Variants in CPVL observed in about 807,000 individuals in gnomAD.
The protein encoded by CPVL is carboxypeptidase vitellogenic like, also known as probable serine carboxypeptidase CPVL.
Under a neutral mutation model 63.7 loss-of-function variants are expected in CPVL, and 51 were observed. The observed-to-expected ratio is 0.80, with a 90% CI of 0.64 to 1.01. CPVL has a LOEUF of 1.01. Among genes scored for constraint, CPVL ranks in the 50% least tolerant of loss-of-function variants. The pLI is 0.00. For synonymous variants in CPVL, 195 were observed against 206.0 expected (o/e 0.95, Z 0.46); for missense variants, 530 against 573.1 (o/e 0.92, Z 0.77).
chr7:29,160,943 T>C (rs1042824792), intron 5 of CPVL, among the ~76,000 whole-genome samples: 9 of 152,210 alleles, frequency 5.9e-5, no homozygotes, highest in Non-Finnish European at 1.2e-4. Context: ...ACCCCTGAGA[T>C]AATATTAAGA....
chr7:29,064,633 G>A (rs974723277), intron 10 of CPVL, among the ~76,000 whole-genome samples: 1 of 152,060 alleles, frequency 6.6e-6, no homozygotes, highest in African/African-American at 2.4e-5. Flanking sequence ...GGATCACAAG[G>A]GCCAGGTTGG....
chr7:29,190,691 T>C lies in CPVL; in HGVS notation c.-447-4144A>G, dbSNP rs1014492090. Among the ~76,000 whole-genome samples the C allele has an allele frequency of 2.0e-5, 3 of 152,314 alleles. No individual in the cohort carries two copies. The South Asian group carries it at 6.2e-4, about 32-fold the overall frequency. ...TTTGATCACAGCAAAGGTAGTATCCTTACATGACCGTCAAGTTCTTTCTTT... is the reference window on the plus strand; with the variant it reads ...TTTGATCACAGCAAAGGTAGTATCCCTACATGACCGTCAAGTTCTTTCTTT... On this transcript the variant is annotated intron_variant, in intron 1 of 16. Transcript: ENST00000409850.
At chr7:29,081,725 G>A (rs1228627296) in intron 7 of CPVL, among the ~76,000 whole-genome samples, 3 of 152,178 alleles carry the variant, frequency 2.0e-5, no homozygotes, top group Non-Finnish European at 2.9e-5. Flanking sequence ...GTATGCTTGG[G>A]AGTCATAATA....
At chr7:29,188,701 G>T (rs1799014592) in intron 1 of CPVL, among the ~76,000 whole-genome samples, 1 of 152,078 alleles carries the variant, frequency 6.6e-6, no homozygotes, top group Non-Finnish European at 1.5e-5. Context: ...CTGTGGATAA[G>T]AAAATGCCAG....
At chr7:29,097,097 G>A (rs1287150880) in intron 3 of CPVL, among the ~76,000 whole-genome samples, 10 of 151,160 alleles carry the variant, frequency 6.6e-5, no homozygotes, top group Admixed American at 2.0e-4. Context: ...TTTAGCCAAC[G>A]CAAATAACAA....
chr7:29,073,939 T>A (rs967020718), intron 7 of CPVL, among the ~76,000 whole-genome samples: 2 of 152,226 alleles, frequency 1.3e-5, no homozygotes, highest in Admixed American at 1.3e-4. Context: ...AGAGACATTA[T>A]GTGGATACCT....
chr7:29,172,212 T>C (rs1266472886), intron 5 of CPVL, among the ~76,000 whole-genome samples: 1 of 152,120 alleles, frequency 6.6e-6, no homozygotes, highest in Non-Finnish European at 1.5e-5. Flanking sequence ...TGTAAATCAT[T>C]AAAACAGCAC....
intron 1 of CPVL, among the ~76,000 whole-genome samples, chr7:29,123,404 A>G (rs1789571432): frequency 6.6e-6 from 1 of 151,828 alleles, no homozygotes. Flanking sequence ...TTTGCCTATT[A>G]CTGACTATAA....
chr7:28,995,813 G>A lies in CPVL; in HGVS notation c.1390C>T (p.Arg464Ter), dbSNP rs1164326160. Residue 464 changes from arginine (R) to a stop codon, truncating the protein, a stop_gained, in exon 13 of 13, where the codon CGA (arginine) becomes TGA (stop). Transcript: ENST00000265394. LOFTEE classifies it high-confidence loss of function. ...QPLRAFDMIN[R>*]FIYGKGWDPY... ...TCCCATCCTTTTCCATAAATGAATC[G>A]ATTAATCATGTCAAAAGCTCTCAGA... 5.0e-6 allele frequency: 8 copies of A among 1,606,980 alleles called. No individual in the cohort carries two copies. Among genetic ancestry groups the A allele is most frequent in the Non-Finnish European group, 6.8e-6 (8 of 1,177,696 alleles).
chr7:29,173,567 T>C (rs950460663), intron 5 of CPVL, among the ~76,000 whole-genome samples: 1 of 151,962 alleles, frequency 6.6e-6, no homozygotes, highest in Non-Finnish European at 1.5e-5. Flanking sequence ...CTTCAAAGGA[T>C]AAAAAGCATC....
At chr7:29,150,770 TG>T (rs1793479030), upstream of CPVL, among the ~76,000 whole-genome samples, 1 of 152,210 alleles carries the variant, frequency 6.6e-6, no homozygotes, top group Admixed American at 6.5e-5. Flanking sequence ...TCCTTTTCAG[TG>T]TTGTTACTGA....
chr7:29,100,219 G>A (rs184269396), intron 3 of CPVL, among the ~76,000 whole-genome samples: 70 of 152,278 alleles, frequency 4.6e-4, no homozygotes, highest in African/African-American at 1.6e-3. Context: ...CGGATATCCA[G>A]CCCCACTTCC....
At chr7:29,005,913 CT>C (rs1007680339) in intron 12 of CPVL, among the ~76,000 whole-genome samples, 2 of 152,110 alleles carry the variant, frequency 1.3e-5, no homozygotes, top group African/African-American at 4.8e-5. Flanking sequence ...TTGTAGTTTT[CT>C]TTTGGAAGAG....
chr7:29,176,998 C>G (rs916636781), intron 5 of CPVL, among the ~76,000 whole-genome samples: 3 of 151,624 alleles, frequency 2.0e-5, no homozygotes, highest in African/African-American at 7.3e-5. Context: ...GAAAAAAAAT[C>G]ATTTAATACA....
chr7:29,002,103 C>G (rs1410749395), intron 12 of CPVL, among the ~76,000 whole-genome samples: 2 of 152,118 alleles, frequency 1.3e-5, no homozygotes, highest in African/African-American at 4.8e-5. Context: ...CTTCTCTGAC[C>G]AAGACGCCAA....
chr7:29,192,979 G>C (rs903770093), intron 1 of CPVL: 16 of 152,260 alleles, frequency 1.1e-4, no homozygotes, highest in Admixed American at 2.0e-4. Flanking sequence ...AACAAGCCAA[G>C]TGTGTGATGG....
intron 5 of CPVL, among the ~76,000 whole-genome samples, chr7:29,170,592 G>A (rs764269772): frequency 6.6e-6 from 1 of 152,128 alleles, no homozygotes; most frequent in Admixed American, 6.5e-5. Flanking sequence ...CATGACAAAT[G>A]TATGTCTTCT....
chr7:29,159,605 T>A (rs1794903453), intron 5 of CPVL, among the ~76,000 whole-genome samples: 1 of 152,170 alleles, frequency 6.6e-6, no homozygotes, highest in South Asian at 2.1e-4. Context: ...ACAAGTCTTA[T>A]GCCTCCTCCT....
intron 3 of CPVL, among the ~76,000 whole-genome samples, chr7:29,098,424 C>G (rs1786679028): frequency 6.6e-6 from 1 of 152,216 alleles, no homozygotes; most frequent in Non-Finnish European, 1.5e-5. Context: ...GGGCACACCC[C>G]TCCTATGAGG....
Sources: gnomAD v4.1 joint callset for allele counts (sites outside exome capture counted in the v4.1 genomes callset) on GRCh38, gnomAD v4.1.1 for gene constraint, MANE v1.5 for transcripts, NCBI Gene and HGNC (gene_info 2026-07-23, HGNC 2026-07-21) for gene names.